Variants in AUH observed in about 807,000 individuals in gnomAD.
AUH encodes methylglutaconyl-CoA hydratase, mitochondrial.
In AUH, 29 loss-of-function variants were observed where a neutral mutation model predicts 42.3. The observed-to-expected ratio is 0.69, with a 90% CI of 0.51 to 0.93. AUH has a LOEUF of 0.93. Ranked by LOEUF, AUH falls within the 40% of genes least tolerant of loss-of-function variation. The pLI is 0.00. For missense variants in AUH, 452 were observed against 438.1 expected (o/e 1.03, Z -0.28); for synonymous variants, 174 against 166.4 (o/e 1.05, Z -0.35).
chr9:91,240,486 G>C (rs1354414519), intron 6 of AUH, among the ~76,000 whole-genome samples: 5 of 152,134 alleles, frequency 3.3e-5, no homozygotes, highest in African/African-American at 9.7e-5. Context: ...GGAATGGCTG[G>C]GCTAGTAAAT....
intron 3 of AUH, among the ~76,000 whole-genome samples, chr9:91,332,478 G>A (rs776199486): frequency 6.6e-6 from 1 of 152,068 alleles, no homozygotes; most frequent in Non-Finnish European, 1.5e-5. Context: ...CTCCAGCCTG[G>A]GCAACAGAGC....
intron 1 of AUH, among the ~76,000 whole-genome samples, chr9:91,359,944 C>T (rs1832722110): frequency 6.6e-6 from 1 of 151,306 alleles, no homozygotes; most frequent in Non-Finnish European, 1.5e-5. Flanking sequence ...TGCCAATTCT[C>T]AAAGGAGGCG....
intron 9 of AUH, 121 bp from the exon 10 acceptor site, chr9:91,214,546 A>T: frequency 1.3e-6 from 1 of 768,934 alleles, no homozygotes. Flanking sequence ...AGTCACCTGA[A>T]CAATTCTCCT....
chr9:91,215,366 T>C (rs1826761488), intron 9 of AUH, among the ~76,000 whole-genome samples: 1 of 152,114 alleles, frequency 6.6e-6, no homozygotes, highest in South Asian at 2.1e-4. Flanking sequence ...AAATTGCATA[T>C]CATATTACCT....
chr9:91,249,755 T>C (rs1032925789), intron 6 of AUH, among the ~76,000 whole-genome samples: 1 of 152,172 alleles, frequency 6.6e-6, no homozygotes, highest in Non-Finnish European at 1.5e-5. Context: ...CTCACACCTA[T>C]AATCCCAGTA....
intron 3 of AUH, 135 bp downstream of exon 3, chr9:91,355,748 G>T: frequency 1.1e-5 from 8 of 738,858 alleles, no homozygotes; most frequent in Admixed American, 2.5e-5. Context: ...TTTTTCTTGT[G>T]AATCAGTAAA....
At chr9:91,265,221 T>G (rs1318389290) in intron 6 of AUH, among the ~76,000 whole-genome samples, 1 of 152,106 alleles carries the variant, frequency 6.6e-6, no homozygotes, top group Non-Finnish European at 1.5e-5. Context: ...TTTCTCTAGC[T>G]TCATTAAGTC....
At chr9:91,286,256 G>A (rs182032110) in intron 6 of AUH, among the ~76,000 whole-genome samples, 2 of 152,170 alleles carry the variant, frequency 1.3e-5, no homozygotes, top group African/African-American at 4.8e-5. Context: ...TCGAGTTCCA[G>A]GAAAACATGC....
intron 4 of AUH, among the ~76,000 whole-genome samples, chr9:91,324,537 T>TAAA (rs1829828388): frequency 8.9e-6 from 1 of 112,026 alleles, no homozygotes; most frequent in Non-Finnish European, 1.9e-5. Context: ...AAAAAAAAAC[T>TAAA]AAAACCAAAT....
Position 91,222,940 on chromosome 9 carries a change from C to T in AUH, c.656-1948G>A, listed in dbSNP as rs1043294972. Among the ~76,000 whole-genome samples the T allele has an allele frequency of 2.6e-5, 4 of 152,124 alleles. No individual in the cohort carries two copies. The East Asian group carries it at 5.8e-4, about 22-fold the overall frequency. Reference sequence around the variant, plus strand: ...TTTCCAAGTCCCGGAAGCTCAAACTCGTTCATCATATTGTTCCACTTATAG... The same window carrying T: ...TTTCCAAGTCCCGGAAGCTCAAACTTGTTCATCATATTGTTCCACTTATAG... On this transcript the variant is annotated intron_variant, in intron 6 of 9. Coordinates refer to ENST00000375731, the MANE Select transcript of AUH (RefSeq NM_001698.3).
chr9:91,325,479 A>AC, intron 3 of AUH, 75 bp from the exon 4 acceptor site: 1 of 1,225,338 alleles, frequency 8.2e-7, no homozygotes, highest in Non-Finnish European at 1.2e-6. Flanking sequence ...AAATTTACTT[A>AC]AGATTAGTAT....
intron 3 of AUH, among the ~76,000 whole-genome samples, chr9:91,332,235 CTCACGCCTGGA>C (rs1830380686): frequency 6.6e-6 from 1 of 152,198 alleles, no homozygotes; most frequent in African/African-American, 2.4e-5. Context: ...GGCGCGGTGG[CTCACGCCTGGA>C]ATCACAGCAC....
At chr9:91,275,439 T>G (rs1371749309) in intron 6 of AUH, among the ~76,000 whole-genome samples, 1 of 152,236 alleles carries the variant, frequency 6.6e-6, no homozygotes, top group African/African-American at 2.4e-5. Context: ...AGGAGCTCTA[T>G]GGTGATTTCT....
chr9:91,278,540 T>C (rs1324696950), intron 6 of AUH, among the ~76,000 whole-genome samples: 1 of 152,222 alleles, frequency 6.6e-6, no homozygotes, highest in Non-Finnish European at 1.5e-5. Context: ...TTCACCTTTG[T>C]GGGTAACAAA....
intron 6 of AUH, among the ~76,000 whole-genome samples, chr9:91,271,273 T>C (rs1475836981): frequency 6.6e-6 from 1 of 152,242 alleles, no homozygotes; most frequent in Non-Finnish European, 1.5e-5. Flanking sequence ...GAAAAGAGCA[T>C]GCTTCCAAAT....
chr9:91,339,347 G>A (rs989231347), intron 3 of AUH, among the ~76,000 whole-genome samples: 5 of 152,198 alleles, frequency 3.3e-5, no homozygotes, highest in Non-Finnish European at 7.3e-5. Context: ...TAGGTAATAA[G>A]CTCTGGATAA....
At chr9:91,224,741 T>C (rs927354106) in intron 6 of AUH, among the ~76,000 whole-genome samples, 2 of 152,220 alleles carry the variant, frequency 1.3e-5, no homozygotes, top group Non-Finnish European at 2.9e-5. Flanking sequence ...TTAGAACATT[T>C]GTTTGGCAAG....
intron 6 of AUH, among the ~76,000 whole-genome samples, chr9:91,273,180 T>C (rs1297773330): frequency 6.6e-6 from 1 of 152,142 alleles, no homozygotes; most frequent in Non-Finnish European, 1.5e-5. Flanking sequence ...GGCCCACTTC[T>C]GATAAGGACC....
At chr9:91,323,796 TA>T (rs536373400) in intron 4 of AUH, among the ~76,000 whole-genome samples, 1 of 151,774 alleles carries the variant, frequency 6.6e-6, no homozygotes, top group Non-Finnish European at 1.5e-5. Flanking sequence ...TGAAAGACAT[TA>T]AAAAAATGAA....
Sources: allele counts gnomAD v4.1 joint callset (sites outside exome capture counted in the v4.1 genomes callset), GRCh38; gene constraint gnomAD v4.1.1; transcripts MANE v1.5; gene names NCBI Gene and HGNC (gene_info 2026-07-23, HGNC 2026-07-21).